The following LOX variants were observed in gnomAD, a reference collection of about 807,000 sequenced individuals.
LOX encodes protein-lysine 6-oxidase.
In LOX, 12 loss-of-function variants were observed where a neutral mutation model predicts 50.5. The observed-to-expected ratio is 0.24, with a 90% CI of 0.15 to 0.38. LOX has a LOEUF of 0.38. Among genes scored for constraint, LOX ranks in the 10% least tolerant of loss-of-function variants. The pLI is 1.00. For missense variants in LOX, 504 were observed against 563.8 expected, an observed-to-expected ratio of 0.89 and a Z score of 1.07; for synonymous variants, 254 against 230.6, an observed-to-expected ratio of 1.10 and a Z score of -0.92.
At chr5:122,076,796 C>A in intron 2 of LOX, 97 bp downstream of exon 2, 2 of 1,043,788 alleles carry the variant, frequency 1.9e-6, no homozygotes, top group Admixed American at 3.8e-5. Flanking sequence ...CACTTCCTAA[C>A]ACTTGTCTGC....
At chr5:122,072,308 A>G (rs942540700) in intron 4 of LOX, among the ~76,000 whole-genome samples, 2 of 152,244 alleles carry the variant, frequency 1.3e-5, no homozygotes, top group East Asian at 3.8e-4. Flanking sequence ...ACGAGTTACT[A>G]AGGCAAATAG....
intron 6 of LOX, among the ~76,000 whole-genome samples, chr5:122,069,689 T>A (rs1447419171): frequency 3.3e-5 from 5 of 152,134 alleles, no homozygotes; most frequent in Non-Finnish European, 7.4e-5. Flanking sequence ...CTAGCAATTC[T>A]TTCAGGGACT....
At chr5:122,067,612 C>G (rs1754333928) in intron 6 of LOX, among the ~76,000 whole-genome samples, 2 of 152,130 alleles carry the variant, frequency 1.3e-5, no homozygotes, top group South Asian at 4.1e-4. Flanking sequence ...TTCAGCCTCC[C>G]ACTGCCTCCA....
chr5:122,072,742 T>C (rs1478466349), intron 4 of LOX, among the ~76,000 whole-genome samples: 5 of 152,134 alleles, frequency 3.3e-5, no homozygotes. Flanking sequence ...ATATGGAAGA[T>C]GATTAACAAG....
At chr5:122,075,724 G>C (rs1462052631) in intron 2 of LOX, among the ~76,000 whole-genome samples, 183 bp from the exon 3 acceptor site, 1 of 152,082 alleles carries the variant, frequency 6.6e-6, no homozygotes, top group Non-Finnish European at 1.5e-5. Flanking sequence ...TCCTAGAACC[G>C]TCTTGGAGTA....
rs367749796 is a variant in LOX, at chr5:122,066,714, T to G, written c.*29A>C. The G allele has an allele frequency of 3.2e-5, 51 of 1,592,792 alleles. No individual in the cohort carries two copies. Among genetic ancestry groups the G allele is most frequent in the Admixed American group, 5.0e-5 (3 of 59,778 alleles). Reference sequence around the variant, plus strand: ...CCCACTTCAGAACACCAGGCACTGATTTATCCATTGGGAGTTTTGCTTTGC... The same window carrying G: ...CCCACTTCAGAACACCAGGCACTGAGTTATCCATTGGGAGTTTTGCTTTGC... On this transcript the variant is annotated 3_prime_UTR_variant, in exon 7 of 7. Transcript: ENST00000231004.
At chr5:122,074,572 A>G (rs1483760878) in intron 3 of LOX, among the ~76,000 whole-genome samples, 1 of 152,216 alleles carries the variant, frequency 6.6e-6, no homozygotes, top group African/African-American at 2.4e-5. Context: ...GGTTTCTATG[A>G]GATTTTAAAA....
chr5:122,070,254 G>T, intron 5 of LOX, 86 bp from the exon 6 acceptor site: 2 of 802,252 alleles, frequency 2.5e-6, no homozygotes, highest in Non-Finnish European at 4.3e-6. Flanking sequence ...GCTAAATCAA[G>T]CAGGGAAGGG....
At chr5:122,069,421 A>T (rs1185567568) in intron 6 of LOX, among the ~76,000 whole-genome samples, 1 of 152,110 alleles carries the variant, frequency 6.6e-6, no homozygotes, top group Non-Finnish European at 1.5e-5. Flanking sequence ...AAACCTACCC[A>T]ACCTTTTTTC....
At position 122,064,005 on chromosome 5, in the gene LOX, G is replaced by A. The variant is rs181164907; in HGVS notation, c.*2738C>T. On this transcript the variant is annotated 3_prime_UTR_variant, in exon 7 of 7. Coordinates refer to ENST00000231004, the MANE Select transcript of LOX (RefSeq NM_002317.7). The stretch of plus-strand genomic sequence containing the variant: ...TCATATATGTTATGCTAGCCTCAGA[G>A]GTCAAGACATCTTTAACCCAGACTG... 1.3e-5 allele frequency: 2 copies of A among 151,894 alleles called. No individual in the cohort carries two copies. The highest frequency in any genetic ancestry group is 2.4e-5 in the African/African-American group (1 of 41,406). 9.4% of individuals were successfully genotyped at this position (151,894 alleles called of 1,614,324 possible). A position where few individuals can be genotyped will look rare whatever the true frequency, so the allele number is the denominator to read the frequency against.
At chr5:122,070,251 C>G in intron 5 of LOX, 83 bp from the exon 6 acceptor site, 1 of 824,504 alleles carries the variant, frequency 1.2e-6, no homozygotes, top group Non-Finnish European at 2.1e-6. Context: ...TTAGCTAAAT[C>G]AAGCAGGGAA....
At position 122,065,160 on chromosome 5, in the gene LOX, T is replaced by G. The variant is rs187659477; in HGVS notation, c.*1583A>C. ...TGTGCCCTGGTGGCTAAGGATCATA[T>G]GTACCGCTATATCCGCCAGTTGATG... On this transcript the variant is annotated 3_prime_UTR_variant, in exon 7 of 7. Coordinates refer to ENST00000231004, the MANE Select transcript of LOX (RefSeq NM_002317.7). 3.2e-4 allele frequency: 48 copies of G among 152,190 alleles called. No homozygotes were observed. The East Asian group carries it at 8.9e-3, about 28-fold the overall frequency. 9.4% of individuals were successfully genotyped at this position (152,190 alleles called of 1,614,324 possible).
Position 122,066,722 on chromosome 5 carries a change from T to C in LOX, c.*21A>G, listed in dbSNP as rs751401371. 4.4e-6 allele frequency: 7 copies of C among 1,596,340 alleles called. No individual in the cohort carries two copies. Among genetic ancestry groups the C allele is most frequent in the Admixed American group, 1.7e-5 (1 of 59,820 alleles). On this transcript the variant is annotated 3_prime_UTR_variant, in exon 7 of 7. Coordinates refer to ENST00000231004, the MANE Select transcript of LOX (RefSeq NM_002317.7). Reference sequence around the variant, plus strand: ...AGAACACCAGGCACTGATTTATCCATTGGGAGTTTTGCTTTGCCTTCTAAT... The same window carrying C: ...AGAACACCAGGCACTGATTTATCCACTGGGAGTTTTGCTTTGCCTTCTAAT...
rs1754700412 is a variant in LOX, at chr5:122,078,252, C to T, written c.-267G>A. On this transcript the variant is annotated 5_prime_UTR_variant, in exon 1 of 7. Coordinates refer to ENST00000231004, the MANE Select transcript of LOX (RefSeq NM_002317.7). The stretch of plus-strand genomic sequence containing the variant: ...CGGCGCGGCAGTCCCGGAGAGCGGG[C>T]AGTGTCTGGAGTGAAGGAAGGAGGA... The T allele has an allele frequency of 2.5e-6, 1 of 397,032 alleles. No individual in the cohort carries two copies. The highest frequency in any genetic ancestry group is 4.4e-6 in the Non-Finnish European group (1 of 227,718). 24.6% of individuals were successfully genotyped at this position (397,032 alleles called of 1,614,324 possible).
In LOX at chr5:122,065,203, C is replaced by A. The variant is rs1451689090; in HGVS notation, c.*1540G>T. The A allele has an allele frequency of 6.6e-6, 1 of 151,982 alleles. No homozygotes were observed. The highest frequency in any genetic ancestry group is 2.4e-5 in the African/African-American group (1 of 41,388). 9.4% of individuals were successfully genotyped at this position (151,982 alleles called of 1,614,324 possible). A position where few individuals can be genotyped will look rare whatever the true frequency, so the allele number is the denominator to read the frequency against. On this transcript the variant is annotated 3_prime_UTR_variant, in exon 7 of 7. Coordinates refer to ENST00000231004, the MANE Select transcript of LOX (RefSeq NM_002317.7). Reference sequence around the variant, plus strand: ...AGTTGATGACTGTCCATCTCTAGCCCCTCTAACCATGCTATGCACCCAGTG... The same window carrying A: ...AGTTGATGACTGTCCATCTCTAGCCACTCTAACCATGCTATGCACCCAGTG...
At chr5:122,070,733 A>G (rs1426216667) in intron 4 of LOX, 144 bp from the exon 5 acceptor site, 2 of 531,430 alleles carry the variant, frequency 3.8e-6, no homozygotes, top group African/African-American at 1.9e-5. Flanking sequence ...ATCTCCCTTG[A>G]GAAGTATTTA....
chr5:122,075,327 A>G, intron 3 of LOX, 77 bp downstream of exon 3: 2 of 1,318,700 alleles, frequency 1.5e-6, no homozygotes, highest in South Asian at 1.6e-5. Context: ...AAGAAATAAG[A>G]CTTGCATTTG....
intron 4 of LOX, among the ~76,000 whole-genome samples, chr5:122,072,794 G>C (rs140828694): frequency 6.6e-6 from 1 of 152,190 alleles, no homozygotes; most frequent in Non-Finnish European, 1.5e-5. Context: ...CCCAAAGAAG[G>C]GGGGGAACCA....
At chr5:122,072,546 C>T (rs551261468) in intron 4 of LOX, among the ~76,000 whole-genome samples, 2 of 152,078 alleles carry the variant, frequency 1.3e-5, no homozygotes, top group Non-Finnish European at 1.5e-5. Flanking sequence ...GAAGTTATAC[C>T]TAGTTTTATG....
Sources: allele counts gnomAD v4.1 joint callset (sites outside exome capture counted in the v4.1 genomes callset), GRCh38; gene constraint gnomAD v4.1.1; transcripts MANE v1.5; gene names NCBI Gene and HGNC (gene_info 2026-07-23, HGNC 2026-07-21).